The following EBF1 variants were observed in gnomAD, a reference collection of about 807,000 sequenced individuals.
EBF1 encodes the protein EBF transcription factor 1, also known as transcription factor COE1.
EBF1 carries 10 observed loss-of-function variants against 68.4 expected under a neutral mutation model. That is an observed-to-expected ratio of 0.15 (90% CI 0.09 to 0.25). The LOEUF is 0.25. Among genes scored for constraint, EBF1 ranks in the 10% least tolerant of loss-of-function variants. The pLI is 1.00. For missense variants in EBF1, 509 were observed against 794.4 expected (o/e 0.64, Z 4.32); for synonymous variants, 298 against 299.8 (o/e 0.99, Z 0.06).
At chr5:158,700,633 G>T (rs1263013045) in intron 15 of EBF1, among the ~76,000 whole-genome samples, 1 of 135,902 alleles carries the variant, frequency 7.4e-6, no homozygotes, top group Non-Finnish European at 1.5e-5. Flanking sequence ...CCCACCCCTG[G>T]TATTTTAGAT....
intron 6 of EBF1, among the ~76,000 whole-genome samples, chr5:158,875,258 G>A (rs1582796051): frequency 6.6e-6 from 1 of 152,150 alleles, no homozygotes; most frequent in Non-Finnish European, 1.5e-5. Flanking sequence ...TAGGGTAGAG[G>A]AGCTTGAAAC....
At chr5:158,892,570 C>G (rs1030718091) in intron 6 of EBF1, among the ~76,000 whole-genome samples, 1 of 152,172 alleles carries the variant, frequency 6.6e-6, no homozygotes, top group Non-Finnish European at 1.5e-5. Context: ...TGGCCTCATG[C>G]GATGGGGTCG....
At chr5:158,797,691 C>T (rs1779832952) in intron 8 of EBF1, among the ~76,000 whole-genome samples, 2 of 152,146 alleles carry the variant, frequency 1.3e-5, no homozygotes, top group South Asian at 4.1e-4. Context: ...CGTGCCACCA[C>T]ACAAACAAAT....
intron 6 of EBF1, among the ~76,000 whole-genome samples, chr5:159,060,091 C>T (rs1048236315): frequency 3.3e-5 from 5 of 152,090 alleles, no homozygotes; most frequent in Non-Finnish European, 7.4e-5. Flanking sequence ...AATAGAATTA[C>T]AGTTTGAACT....
intron 6 of EBF1, among the ~76,000 whole-genome samples, chr5:159,053,032 G>T (rs1774092997): frequency 6.6e-6 from 1 of 152,238 alleles, no homozygotes; most frequent in African/African-American, 2.4e-5. Flanking sequence ...GATTACGCCA[G>T]CAAAGGATGG....
At chr5:159,078,964 A>C (rs1030591155) in intron 5 of EBF1, among the ~76,000 whole-genome samples, 1 of 152,228 alleles carries the variant, frequency 6.6e-6, no homozygotes, top group Non-Finnish European at 1.5e-5. Flanking sequence ...ACTTTTTCCT[A>C]TGAATAGTGT....
intron 1 of EBF1, chr5:159,097,445 T>C (rs960624102): frequency 1.2e-4 from 41 of 352,222 alleles, no homozygotes; most frequent in Non-Finnish European, 9.8e-5. Context: ...ACGCACTGCG[T>C]GGGGAGGAAG....
chr5:158,956,434 G>T (rs1817092301), intron 6 of EBF1, among the ~76,000 whole-genome samples: 1 of 151,678 alleles, frequency 6.6e-6, no homozygotes, highest in South Asian at 2.1e-4. Flanking sequence ...TTAATTGCAG[G>T]ATGTACCTTA....
intron 11 of EBF1, among the ~76,000 whole-genome samples, chr5:158,719,423 C>A (rs746747455): frequency 6.6e-6 from 1 of 152,122 alleles, no homozygotes; most frequent in Admixed American, 6.5e-5. Context: ...ACATTGGGAA[C>A]CAGGCATATC....
In EBF1 at chr5:158,899,870, C is replaced by T. The variant is rs77455018; in HGVS notation, c.555-59760G>A. ...TGGGCAAACTTTTTAACCCTCTTCTCTTCCTACCACCCCCTACATCACACA... is the reference window on the plus strand; with the variant it reads ...TGGGCAAACTTTTTAACCCTCTTCTTTTCCTACCACCCCCTACATCACACA... On this transcript the variant is annotated intron_variant, in intron 6 of 15. Coordinates refer to ENST00000313708, the MANE Select transcript of EBF1 (RefSeq NM_024007.5). 3.1e-3 allele frequency among the ~76,000 whole-genome samples: 476 copies of T among 152,316 alleles called. 4 individuals carry two copies. In the East Asian group the frequency reaches 0.049, roughly 16 times the overall value.
At chr5:159,058,100 G>A (rs57172242) in intron 6 of EBF1, among the ~76,000 whole-genome samples, 12,894 of 152,188 alleles carry the variant, frequency 0.085, 1,821 homozygotes, top group African/African-American at 0.29. Context: ...AATTGGGTGG[G>A]AAAACCTTTC....
chr5:158,779,990 A>G (rs1776109806), intron 9 of EBF1, among the ~76,000 whole-genome samples: 1 of 152,192 alleles, frequency 6.6e-6, no homozygotes, highest in Non-Finnish European at 1.5e-5. Context: ...CTGAATCATA[A>G]TAGAGAATAA....
intron 6 of EBF1, among the ~76,000 whole-genome samples, chr5:158,893,128 A>G (rs1801508571): frequency 6.6e-6 from 1 of 152,204 alleles, no homozygotes; most frequent in Non-Finnish European, 1.5e-5. Context: ...GAAAATCCAC[A>G]TGTCAAAATG....
intron 6 of EBF1, among the ~76,000 whole-genome samples, chr5:159,018,096 C>T (rs1765962873): frequency 1.3e-5 from 2 of 152,074 alleles, no homozygotes; most frequent in Admixed American, 1.3e-4. Context: ...CTCTCTCCCT[C>T]ACACTGGACA....
rs1475250241 is a variant in EBF1, at chr5:158,900,115, C to T, written c.555-60005G>A. Among the ~76,000 whole-genome samples the T allele has an allele frequency of 4.6e-5, 7 of 152,218 alleles. No individual in the cohort carries two copies. In the South Asian group the frequency reaches 8.3e-4, roughly 18 times the overall value. On this transcript the variant is annotated intron_variant, in intron 6 of 15. Coordinates refer to ENST00000313708, the MANE Select transcript of EBF1 (RefSeq NM_024007.5). ...GTCCTGTGTGTGAGCTTCCTCCTAC[C>T]GCTGCAGGAAATTTTTCACGTGAAG...
At chr5:158,999,919 G>T (rs1010874515) in intron 6 of EBF1, among the ~76,000 whole-genome samples, 10 of 152,162 alleles carry the variant, frequency 6.6e-5, no homozygotes, top group Admixed American at 5.9e-4. Context: ...TCCATCACTG[G>T]CATTTTTGAG....
At chr5:159,096,935 G>T (rs780697225) in intron 2 of EBF1, 39 bp downstream of exon 2, 4 of 1,606,804 alleles carry the variant, frequency 2.5e-6, no homozygotes, top group African/African-American at 1.3e-5. Flanking sequence ...CTCCCGAGCC[G>T]AGCCGGGGAC....
chr5:159,031,068 G>A (rs545866320), intron 6 of EBF1, among the ~76,000 whole-genome samples: 93 of 149,716 alleles, frequency 6.2e-4, no homozygotes, highest in African/African-American at 2.2e-3. Flanking sequence ...CAGCTACTCT[G>A]GAGGCTGAGG....
At chr5:158,769,423 A>G (rs1212040977) in intron 10 of EBF1, among the ~76,000 whole-genome samples, 1 of 152,138 alleles carries the variant, frequency 6.6e-6, no homozygotes, top group Non-Finnish European at 1.5e-5. Flanking sequence ...ATCCTGTTAT[A>G]CTGGCTACTC....
Sources: gnomAD v4.1 joint callset for allele counts (sites outside exome capture counted in the v4.1 genomes callset) on GRCh38, gnomAD v4.1.1 for gene constraint, MANE v1.5 for transcripts, NCBI Gene and HGNC (gene_info 2026-07-23, HGNC 2026-07-21) for gene names.